The following TBCD variants were observed in gnomAD, a reference collection of about 807,000 sequenced individuals.
TBCD encodes the protein tubulin folding cofactor D, also known as tubulin-specific chaperone D.
A neutral mutation model predicts 169.3 loss-of-function variants in TBCD; 105 were observed. That is an observed-to-expected ratio of 0.62 (90% CI 0.53 to 0.73). The LOEUF is 0.73. TBCD is among the 30% of genes least tolerant of loss of function. TBCD has a pLI of 0.00. For missense variants in TBCD, 1,444 were observed against 1,600.1 expected, an observed-to-expected ratio of 0.90 and a Z score of 1.66; for synonymous variants, 700 against 643.9, an observed-to-expected ratio of 1.09 and a Z score of -1.32.
At chr17:82,886,900 C>T (rs904474534) in intron 15 of TBCD, among the ~76,000 whole-genome samples, 1 of 151,252 alleles carries the variant, frequency 6.6e-6, no homozygotes, top group East Asian at 2.0e-4. Context: ...GAACTCCTGA[C>T]CTGAAGTGAT....
intron 7 of TBCD, among the ~76,000 whole-genome samples, chr17:82,793,527 G>T (rs369544679): frequency 1.1e-4 from 17 of 152,330 alleles, no homozygotes; most frequent in Middle Eastern, 3.4e-3. Context: ...CCCTGCTGCT[G>T]AGGGGAGCCT....
At chr17:82,814,706 G>T in intron 12 of TBCD, 134 bp from the exon 13 acceptor site, 2 of 805,442 alleles carry the variant, frequency 2.5e-6, no homozygotes, top group South Asian at 3.2e-5. Flanking sequence ...CTTAGGAATG[G>T]GTTTTAGTGA....
chr17:82,918,687 G>T (rs1181392083), intron 23 of TBCD: 1 of 151,832 alleles, frequency 6.6e-6, no homozygotes. Flanking sequence ...TCATTCCACC[G>T]CTGAGCCCCG....
intron 2 of TBCD, among the ~76,000 whole-genome samples, chr17:82,761,356 G>T (rs936425950): frequency 4.6e-5 from 7 of 152,100 alleles, no homozygotes; most frequent in African/African-American, 1.7e-4. Flanking sequence ...TTTATTCTTA[G>T]AACATTTTAT....
At chr17:82,788,839 G>A (rs569070888) in intron 7 of TBCD, among the ~76,000 whole-genome samples, 1 of 152,334 alleles carries the variant, frequency 6.6e-6, no homozygotes, top group South Asian at 2.1e-4. Flanking sequence ...ACCAGCGCCC[G>A]CCCCACCTGG....
intron 19 of TBCD, among the ~76,000 whole-genome samples, chr17:82,904,920 T>G (rs1209145434): frequency 1.3e-5 from 2 of 152,196 alleles, no homozygotes; most frequent in Non-Finnish European, 2.9e-5. Flanking sequence ...AGAACAGGAC[T>G]GTGACCTTTT....
At chr17:82,797,408 T>A (rs2050177541) in intron 7 of TBCD, among the ~76,000 whole-genome samples, 1 of 152,236 alleles carries the variant, frequency 6.6e-6, no homozygotes, top group Admixed American at 6.5e-5. Flanking sequence ...AGATAATTTT[T>A]AAAAACCTAC....
intron 36 of TBCD, 122 bp from the exon 37 acceptor site, chr17:82,939,245 A>C: frequency 2.6e-6 from 2 of 768,524 alleles, no homozygotes; most frequent in Non-Finnish European, 2.2e-6. Flanking sequence ...GATGGGATGC[A>C]GGGTCAGCGT....
rs978657175 is a variant in TBCD at position 82,759,190 on chromosome 17, C to CT, written c.235+2985dup. On this transcript the variant is annotated intron_variant, in intron 2 of 38. Coordinates refer to ENST00000355528, the MANE Select transcript of TBCD (RefSeq NM_005993.5). ...CTGCCATGCCTAGTTAATTAAAAAA[C>CT]TTTTTTTTTTGGCCAGGCGCAGTAG... is the stretch of plus-strand genomic sequence containing the variant. Among the ~76,000 whole-genome samples, 286 of 149,168 alleles carry CT rather than the reference C, an allele frequency of 1.9e-3. 1 individual carries two copies. The highest frequency in any genetic ancestry group is 6.4e-3 in the African/African-American group (262 of 40,720).
chr17:82,859,346 C>A (rs1332257197), intron 13 of TBCD, among the ~76,000 whole-genome samples: 4 of 150,806 alleles, frequency 2.7e-5, no homozygotes, highest in Non-Finnish European at 4.4e-5. Flanking sequence ...GTCCTCCCTA[C>A]ACTGACACAC....
chr17:82,902,126 C>T (rs954999925), intron 18 of TBCD, among the ~76,000 whole-genome samples: 6 of 152,130 alleles, frequency 3.9e-5, no homozygotes, highest in Non-Finnish European at 5.9e-5. Flanking sequence ...GATACACTTT[C>T]GCTTTTTGTC....
rs1412016419 is a variant in TBCD, at chr17:82,944,613, TGTG to T, written c.*2153_*2155del. On this transcript the variant is annotated 3_prime_UTR_variant, in exon 39 of 39. Coordinates refer to ENST00000355528, the MANE Select transcript of TBCD (RefSeq NM_005993.5). ...GTCCAATGGCAGAAAAGAGAATGCT[TGTG>T]GTCCCAGAAGTGGAGCAAGCTTTGT... is the stretch of plus-strand genomic sequence containing the variant. The T allele has an allele frequency of 6.6e-6, 1 of 152,128 alleles. No homozygotes were observed. Among genetic ancestry groups the T allele is most frequent in the Non-Finnish European group, 1.5e-5 (1 of 68,024 alleles). The allele number at this position is 152,128 out of a possible 1,614,324, so 9.4% of individuals were successfully genotyped here.
chr17:82,822,808 G>C (rs551994886), intron 13 of TBCD, among the ~76,000 whole-genome samples: 29 of 152,342 alleles, frequency 1.9e-4, no homozygotes, highest in Admixed American at 1.2e-3. Flanking sequence ...AGGTCAGTGA[G>C]TGACATGTTG....
chr17:82,887,539 G>A (rs1032706548), intron 15 of TBCD, among the ~76,000 whole-genome samples: 12 of 152,112 alleles, frequency 7.9e-5, no homozygotes, highest in African/African-American at 2.4e-4. Flanking sequence ...CATGTATTAC[G>A]ACATCAGGAT....
chr17:82,871,940 C>G (rs2145994562), intron 14 of TBCD, among the ~76,000 whole-genome samples: 1 of 146,354 alleles, frequency 6.8e-6, no homozygotes, highest in Admixed American at 6.6e-5. Flanking sequence ...CGCTGGTAAG[C>G]AGCTCGTTGT....
chr17:82,776,561 C>CT (rs2048614546), intron 6 of TBCD, among the ~76,000 whole-genome samples: 2 of 152,174 alleles, frequency 1.3e-5, no homozygotes, highest in African/African-American at 4.8e-5. Context: ...CAGCACTGTG[C>CT]TTTTTCACCT....
rs1451223353 is a variant in TBCD at position 82,831,972 on chromosome 17, T to C, written c.1318+17038T>C. ...GTCTGTGCTCGCCGACTGGAACAAA[T>C]GCAGAAGGCCGAGCTGCGCCTTCCA... is the stretch of plus-strand genomic sequence containing the variant. On this transcript the variant is annotated intron_variant, in intron 13 of 38. Transcript: ENST00000355528. This position sits in a 1 kb window ranked among gnomAD's most constrained non-coding sequence, Gnocchi z 4.6. 6.2e-7 allele frequency: 1 copy of C among 1,613,622 alleles called. No individual in the cohort carries two copies. The highest frequency in any genetic ancestry group is 1.7e-5 in the Admixed American group (1 of 60,016).
intron 6 of TBCD, among the ~76,000 whole-genome samples, chr17:82,777,601 A>G (rs1244652187): frequency 1.3e-5 from 2 of 152,168 alleles, no homozygotes; most frequent in African/African-American, 2.4e-5. Context: ...GAGAGAGGAG[A>G]AGGAGATAAA....
chr17:82,926,160 T>C (rs76353824), intron 27 of TBCD, among the ~76,000 whole-genome samples: 83 of 92,832 alleles, frequency 8.9e-4, no homozygotes, highest in Middle Eastern at 6.2e-3. Context: ...TGGAGGTGAC[T>C]CCTCCCCGGG....
Sources: gnomAD v4.1 joint callset for allele counts (sites outside exome capture counted in the v4.1 genomes callset) on GRCh38, gnomAD v4.1.1 for gene constraint, Gnocchi (gnomAD v3.1) non-coding constraint, MANE v1.5 for transcripts, NCBI Gene and HGNC (gene_info 2026-07-23, HGNC 2026-07-21) for gene names.